The following CADM2 variants were observed in gnomAD, a reference collection of about 807,000 sequenced individuals.
The protein encoded by CADM2 is immunoglobulin superfamily member 4D.
A neutral mutation model predicts 49.8 loss-of-function variants in CADM2; 12 were observed. That is an observed-to-expected ratio of 0.24 (90% CI 0.15 to 0.39). The LOEUF (loss-of-function observed/expected upper bound fraction) is 0.39, where lower values mean the gene tolerates loss of function less well. CADM2 is among the 10% of genes least tolerant of loss of function. The probability of loss-of-function intolerance (pLI) is 1.00; values close to 1 mark genes in which losing one functional copy is unlikely to be tolerated. For synonymous variants in CADM2, 214 were observed against 175.4 expected (o/e 1.22, Z -1.74); for missense variants, 378 against 492.3 (o/e 0.77, Z 2.20).
At chr3:85,084,017 T>C (rs530980513) in intron 1 of CADM2, among the ~76,000 whole-genome samples, 3 of 152,296 alleles carry the variant, frequency 2.0e-5, no homozygotes, top group East Asian at 3.9e-4. Context: ...ACCCAATTAT[T>C]ATATGCCCTG....
chr3:86,034,394 T>C (rs555572746), intron 8 of CADM2, among the ~76,000 whole-genome samples: 2 of 152,084 alleles, frequency 1.3e-5, no homozygotes, highest in African/African-American at 4.8e-5. Flanking sequence ...AAGGGCTAAA[T>C]ATAAGTTCTC....
At chr3:85,393,740 C>T (rs968838988) in intron 1 of CADM2, among the ~76,000 whole-genome samples, 4 of 151,542 alleles carry the variant, frequency 2.6e-5, no homozygotes, top group African/African-American at 4.9e-5. Context: ...CCCTTTTGTG[C>T]GTAAATCTCC....
chr3:85,963,236 G>C (rs949133031), intron 8 of CADM2, among the ~76,000 whole-genome samples: 1 of 151,920 alleles, frequency 6.6e-6, no homozygotes, highest in African/African-American at 2.4e-5. Flanking sequence ...CTAGAAAATA[G>C]TAGAACTAAC....
intron 1 of CADM2, among the ~76,000 whole-genome samples, chr3:85,159,330 G>T (rs1258172057): frequency 7.3e-6 from 1 of 136,410 alleles, no homozygotes; most frequent in Non-Finnish European, 1.5e-5. Flanking sequence ...GATGGGAGAA[G>T]ACCCTCAAAT....
chr3:85,769,605 TACATATATACATATATAGTATATATATAC>T lies in CADM2; in HGVS notation c.89-32424_89-32396del, dbSNP rs1384623424. Among the ~76,000 whole-genome samples the T allele has an allele frequency of 1.6e-4, 15 of 94,854 alleles. No individual in the cohort carries two copies. In the South Asian group the frequency reaches 2.7e-3, roughly 17 times the overall value. 62.2% of individuals were successfully genotyped at this position (94,854 alleles called of 152,430 possible). ...TACATATATAGTATATACACATATA[TACATATATACATATATAGTATATATATAC>T]ACATATATACATATATACATATATA... On this transcript the variant is annotated intron_variant, in intron 2 of 9. Coordinates refer to ENST00000383699, the MANE Select transcript of CADM2 (RefSeq NM_001167675.2).
intron 8 of CADM2, among the ~76,000 whole-genome samples, chr3:86,005,152 G>T (rs931981936): frequency 5.9e-5 from 9 of 152,108 alleles, no homozygotes; most frequent in African/African-American, 2.2e-4. Context: ...TCTACTTGTG[G>T]CTCTGCTTTT....
intron 8 of CADM2, among the ~76,000 whole-genome samples, chr3:86,001,624 A>AGAT (rs1432508531): frequency 6.6e-6 from 1 of 152,128 alleles, no homozygotes; most frequent in Non-Finnish European, 1.5e-5. Flanking sequence ...TAATTTAAAA[A>AGAT]GATGAGCAGA....
At chr3:85,655,740 A>C (rs977372905) in intron 1 of CADM2, among the ~76,000 whole-genome samples, 1 of 152,102 alleles carries the variant, frequency 6.6e-6, no homozygotes, top group African/African-American at 2.4e-5. Context: ...TGACTCTCAA[A>C]CTCTAAAAGG....
intron 1 of CADM2, among the ~76,000 whole-genome samples, chr3:85,530,293 A>C: frequency 6.7e-6 from 1 of 148,600 alleles, no homozygotes; most frequent in Non-Finnish European, 1.5e-5. Context: ...GAAATGTGGA[A>C]CTGTGAGTCA....
intron 8 of CADM2, among the ~76,000 whole-genome samples, chr3:85,978,088 C>T (rs1470765332): frequency 1.3e-5 from 2 of 151,630 alleles, no homozygotes; most frequent in Non-Finnish European, 3.0e-5. Flanking sequence ...AATCAAACCT[C>T]AGCACAGTAA....
chr3:85,180,688 C>T (rs1322640603), intron 1 of CADM2, among the ~76,000 whole-genome samples: 4 of 152,026 alleles, frequency 2.6e-5, no homozygotes, highest in African/African-American at 4.8e-5. Flanking sequence ...TAATGGAAAA[C>T]ATTCTCCACA....
intron 2 of CADM2, among the ~76,000 whole-genome samples, chr3:85,792,515 C>T (rs2071395518): frequency 6.6e-6 from 1 of 152,186 alleles, no homozygotes; most frequent in South Asian, 2.1e-4. Flanking sequence ...ATCATTGACC[C>T]TCCAAAACTA....
intron 8 of CADM2, among the ~76,000 whole-genome samples, chr3:85,972,663 T>C (rs1477366317): frequency 6.6e-6 from 1 of 151,730 alleles, no homozygotes; most frequent in African/African-American, 2.4e-5. Context: ...ACAAAACAAG[T>C]TGACAAGTTA....
chr3:86,020,311 C>A (rs1324579798), intron 8 of CADM2, among the ~76,000 whole-genome samples: 2 of 151,560 alleles, frequency 1.3e-5, no homozygotes, highest in East Asian at 1.9e-4. Context: ...TCTGAATAGA[C>A]CAATAACAGG....
chr3:86,039,165 G>C (rs1735529242), intron 8 of CADM2, among the ~76,000 whole-genome samples: 1 of 152,140 alleles, frequency 6.6e-6, no homozygotes, highest in African/African-American at 2.4e-5. Context: ...GGTGATTTCT[G>C]CATGTCCAAC....
chr3:84,973,544 A>T (rs1188321283), intron 1 of CADM2, among the ~76,000 whole-genome samples: 1 of 152,200 alleles, frequency 6.6e-6, no homozygotes, highest in Non-Finnish European at 1.5e-5. Flanking sequence ...GATTCATTTA[A>T]TTTCATAAAG....
At chr3:85,986,829 C>T (rs975422256) in intron 8 of CADM2, among the ~76,000 whole-genome samples, 10 of 152,008 alleles carry the variant, frequency 6.6e-5, no homozygotes, top group African/African-American at 2.2e-4. Flanking sequence ...TCACATCGTA[C>T]ATGCTTTTGG....
intron 3 of CADM2, among the ~76,000 whole-genome samples, chr3:85,819,799 TTTATCA>T: frequency 6.6e-6 from 1 of 152,226 alleles, no homozygotes; most frequent in African/African-American, 2.4e-5. Context: ...GCGCTTGAGA[TTTATCA>T]GAGGACAAAA....
chr3:86,007,994 G>T (rs774614260), intron 8 of CADM2, among the ~76,000 whole-genome samples: 1 of 152,138 alleles, frequency 6.6e-6, no homozygotes, highest in Non-Finnish European at 1.5e-5. Context: ...CTTAGAATTT[G>T]AAAGCAAATT....
Sources: allele counts gnomAD v4.1 joint callset (sites outside exome capture counted in the v4.1 genomes callset), GRCh38; gene constraint gnomAD v4.1.1; transcripts MANE v1.5; gene names NCBI Gene and HGNC (gene_info 2026-07-23, HGNC 2026-07-21).